The following RERE variants were observed in gnomAD, a reference collection of about 807,000 sequenced individuals.
The protein encoded by RERE is arginine-glutamic acid dipeptide repeats, also known as arginine-glutamic acid dipeptide repeats protein.
Under a neutral mutation model 146.1 loss-of-function variants are expected in RERE, and 40 were observed. That is an observed-to-expected ratio of 0.27 (90% CI 0.21 to 0.36). The LOEUF (loss-of-function observed/expected upper bound fraction) is 0.36. Among genes scored for constraint, RERE ranks in the 10% least tolerant of loss-of-function variants. RERE has a pLI of 1.00. For missense variants in RERE, 1,933 were observed against 2,138.7 expected (o/e 0.90, Z 1.90); for synonymous variants, 1,003 against 866.0 (o/e 1.16, Z -2.78).
intron 11 of RERE, among the ~76,000 whole-genome samples, chr1:8,444,382 A>G (rs1644291350): frequency 6.6e-6 from 1 of 152,164 alleles, no homozygotes; most frequent in Non-Finnish European, 1.5e-5. Context: ...TTGGAAGTAA[A>G]TAACTTGTTT....
At chr1:8,412,304 C>T (rs1244762474) in intron 12 of RERE, among the ~76,000 whole-genome samples, 1 of 152,196 alleles carries the variant, frequency 6.6e-6, no homozygotes, top group Admixed American at 6.5e-5. Flanking sequence ...TGGTGGTTCA[C>T]TCATACAGCA....
intron 1 of RERE, among the ~76,000 whole-genome samples, chr1:8,759,674 T>C (rs916631745): frequency 5.3e-5 from 8 of 152,148 alleles, no homozygotes; most frequent in Admixed American, 3.3e-4. Context: ...TAACTGCAGG[T>C]TGTGTGAAAC....
rs200605582 is a variant in RERE, at chr1:8,531,107, G to GTCCATCCA, written c.830+10099_830+10106dup. On this transcript the variant is annotated intron_variant, in intron 7 of 22. Coordinates refer to ENST00000400908, the MANE Select transcript of RERE (RefSeq NM_001042681.2). ...TATCTGTCCATCTTTCTATCTATCT[G>GTCCATCCA]TCCATCCATCCATCCATCCATCCAT... Among the ~76,000 whole-genome samples the GTCCATCCA allele has an allele frequency of 4.7e-3, 704 of 150,524 alleles. 3 individuals carry two copies. The highest frequency in any genetic ancestry group is 0.017 in the African/African-American group (675 of 40,818).
intron 12 of RERE, chr1:8,381,035 G>A (rs566080101): frequency 1.5e-5 from 7 of 456,544 alleles, no homozygotes; most frequent in Non-Finnish European, 2.2e-5. Flanking sequence ...CACCTGGAAC[G>A]CCTTCTCCTG....
intron 11 of RERE, among the ~76,000 whole-genome samples, chr1:8,461,969 C>T (rs1408258311): frequency 6.6e-6 from 1 of 152,072 alleles, no homozygotes; most frequent in Non-Finnish European, 1.5e-5. Context: ...CTCAGCCTCC[C>T]AAGTAACTGG....
chr1:8,769,335 C>A (rs2124543043), intron 1 of RERE, among the ~76,000 whole-genome samples: 1 of 152,260 alleles, frequency 6.6e-6, no homozygotes, highest in African/African-American at 2.4e-5. Flanking sequence ...AGTATTCCAT[C>A]AAAAAATCAC....
chr1:8,370,218 G>A (rs573199506), intron 12 of RERE, among the ~76,000 whole-genome samples: 2 of 152,204 alleles, frequency 1.3e-5, no homozygotes, highest in South Asian at 2.1e-4. Context: ...ACAGACCACC[G>A]ACACATGCAG....
Position 8,358,906 on chromosome 1 carries a change from C to G in RERE, c.3629G>C (p.Ser1210Thr). ...ACTGAGGCGACCTTCATGCGCTGAGCTGGACGCCTTCTGCAGAAGGAAAAG... is the reference window on the plus strand; with the variant it reads ...ACTGAGGCGACCTTCATGCGCTGAGGTGGACGCCTTCTGCAGAAGGAAAAG... ...REAERAAKAS[S>T]SAHEGRLSDP... The change falls in exon 20 of 23, where the codon AGC (serine) becomes ACC (threonine). Residue 1210 changes from serine to threonine, a missense_variant. Coordinates refer to ENST00000400908, the MANE Select transcript of RERE (RefSeq NM_001042681.2). 1 of 1,529,442 alleles carries G rather than the reference C, an allele frequency of 6.5e-7. No individual in the cohort carries two copies. Among genetic ancestry groups the G allele is most frequent in the Non-Finnish European group, 8.8e-7 (1 of 1,140,242 alleles). 94.7% of individuals were successfully genotyped at this position (1,529,442 alleles called of 1,614,324 possible). A position where few individuals can be genotyped will look rare whatever the true frequency, so the allele number is the denominator to read the frequency against.
At chr1:8,470,080 C>T (rs1380961701) in intron 10 of RERE, among the ~76,000 whole-genome samples, 1 of 152,158 alleles carries the variant, frequency 6.6e-6, no homozygotes, top group Non-Finnish European at 1.5e-5. Context: ...CGGATTCTCT[C>T]CTTTTGTTTG....
At chr1:8,566,781 C>T (rs1376449639) in intron 4 of RERE, among the ~76,000 whole-genome samples, 3 of 139,924 alleles carry the variant, frequency 2.1e-5, no homozygotes, top group African/African-American at 7.9e-5. Context: ...CTGCTCACAA[C>T]TGGAATAGTA....
At chr1:8,617,952 G>A (rs1445625695) in intron 3 of RERE, among the ~76,000 whole-genome samples, 1 of 152,080 alleles carries the variant, frequency 6.6e-6, no homozygotes, top group African/African-American at 2.4e-5. Flanking sequence ...AGGTAATTGA[G>A]TAGACTTCTT....
At chr1:8,527,939 G>A (rs1410534565) in intron 7 of RERE, among the ~76,000 whole-genome samples, 1 of 152,126 alleles carries the variant, frequency 6.6e-6, no homozygotes, top group Non-Finnish European at 1.5e-5. Context: ...AGAAATGCAG[G>A]AGCCCCCGGA....
intron 9 of RERE, among the ~76,000 whole-genome samples, chr1:8,497,019 T>G (rs1312910470): frequency 1.3e-5 from 2 of 152,176 alleles, no homozygotes; most frequent in South Asian, 2.1e-4. Flanking sequence ...CATTAGCTAT[T>G]TGTCCTAATG....
intron 1 of RERE, among the ~76,000 whole-genome samples, chr1:8,802,986 A>T (rs1325388955): frequency 6.6e-6 from 1 of 152,228 alleles, no homozygotes; most frequent in African/African-American, 2.4e-5. Flanking sequence ...ATGGGTTCTA[A>T]GAAGTCCTTG....
At chr1:8,744,563 A>G (rs1001630102) in intron 1 of RERE, among the ~76,000 whole-genome samples, 4 of 152,224 alleles carry the variant, frequency 2.6e-5, no homozygotes, top group African/African-American at 7.2e-5. Flanking sequence ...AAAGTATACC[A>G]ACCAGTGTGC....
intron 10 of RERE, among the ~76,000 whole-genome samples, chr1:8,491,599 C>T (rs901420855): frequency 1.3e-5 from 2 of 152,184 alleles, no homozygotes; most frequent in African/African-American, 4.8e-5. Flanking sequence ...GCCTGGGCAA[C>T]AGAGCAAGAT....
chr1:8,560,929 A>T (rs917390282), intron 4 of RERE, among the ~76,000 whole-genome samples: 2 of 152,190 alleles, frequency 1.3e-5, no homozygotes, highest in Non-Finnish European at 2.9e-5. Context: ...TTTAAAATCT[A>T]CCATCTATGT....
At chr1:8,462,563 C>G (rs529470784) in intron 11 of RERE, among the ~76,000 whole-genome samples, 5 of 152,338 alleles carry the variant, frequency 3.3e-5, no homozygotes, top group African/African-American at 1.2e-4. Context: ...TGCAGAGGCC[C>G]AGCCTGTCCG....
intron 8 of RERE, among the ~76,000 whole-genome samples, chr1:8,501,246 G>C (rs1645147133): frequency 7.0e-6 from 1 of 143,536 alleles, no homozygotes. Flanking sequence ...GCCCCGTCCG[G>C]GAGGTGAGGG....
Sources: gnomAD v4.1 joint callset for allele counts (sites outside exome capture counted in the v4.1 genomes callset) on GRCh38, gnomAD v4.1.1 for gene constraint, MANE v1.5 for transcripts, NCBI Gene and HGNC (gene_info 2026-07-23, HGNC 2026-07-21) for gene names.